The following ITGA7 variants were observed in gnomAD, a reference collection of about 807,000 sequenced individuals.
ITGA7 encodes integrin alpha-7.
ITGA7 carries 84 observed loss-of-function variants against 131.6 expected under a neutral mutation model. The observed-to-expected ratio is 0.64, with a 90% CI of 0.54 to 0.77. ITGA7 has a LOEUF of 0.77. Ranked by LOEUF, ITGA7 falls within the 30% of genes least tolerant of loss-of-function variation. The pLI is 0.00. For missense variants in ITGA7, 1,399 were observed against 1,482.9 expected, an observed-to-expected ratio of 0.94 and a Z score of 0.93; for synonymous variants, 548 against 600.7, an observed-to-expected ratio of 0.91 and a Z score of 1.28.
At chr12:55,712,875 G>C (rs1876235627), upstream of ITGA7, among the ~76,000 whole-genome samples, 1 of 152,174 alleles carries the variant, frequency 6.6e-6, no homozygotes. Context: ...GGAGAGAAGG[G>C]AGAGGCTAAT....
At position 55,684,706 on chromosome 12, in the gene ITGA7, C is replaced by CATTAAAAAA; in HGVS notation, c.*351_*352insTTTTTTAAT. ...GTGACACAACCTCCTCCCCGACCCTCTAGGTTAAGGCACTTCCGGGGAGGC... is the reference window on the plus strand; with the variant it reads ...GTGACACAACCTCCTCCCCGACCCTCATTAAAAAATAGGTTAAGGCACTTCCGGGGAGGC... On this transcript the variant is annotated 3_prime_UTR_variant, in exon 25 of 25. Coordinates refer to ENST00000257879, the MANE Select transcript of ITGA7 (RefSeq NM_002206.3). 3.5e-6 allele frequency: 1 copy of CATTAAAAAA among 284,106 alleles called. No individual in the cohort carries two copies. Among genetic ancestry groups the CATTAAAAAA allele is most frequent in the Admixed American group, 4.7e-5 (1 of 21,366 alleles). The allele number at this position is 284,106 out of a possible 1,614,324, so 17.6% of individuals were successfully genotyped here.
At position 55,688,190 on chromosome 12, in the gene ITGA7, C is replaced by T. The variant is rs767729751; in HGVS notation, c.3057+12G>A. ...GAGTCCTCCCCACCTATCCCCCAAC[C>T]CTGCAGCTCACCACTGTGGAGGCAT... On this transcript the variant is annotated intron_variant, in intron 23 of 24. Transcript: ENST00000257879. 6 of 1,613,800 alleles carry T rather than the reference C, an allele frequency of 3.7e-6. No individual in the cohort carries two copies. Among genetic ancestry groups the T allele is most frequent in the South Asian group, 1.1e-5 (1 of 91,086 alleles).
At chr12:55,695,423 G>A (rs1872423980) in intron 14 of ITGA7, 99 bp downstream of exon 14, 2 of 876,164 alleles carry the variant, frequency 2.3e-6, no homozygotes, top group African/African-American at 1.6e-5. Context: ...CTTTTCTGCA[G>A]GCTCAGCCCT....
chr12:55,688,215 T>C lies in ITGA7; in HGVS notation c.3044A>G (p.Asp1015Gly). The change falls in exon 23 of 25, where the codon GAT (aspartate) becomes GGT (glycine). Residue 1015 changes from aspartate to glycine, a missense_variant. Asp to Gly is a moderately conservative substitution (Grantham distance 94). Transcript: ENST00000257879. Reference sequence around the variant, plus strand: ...CCTGCAGCTCACCACTGTGGAGGCATCTCGGAGCATCAAGTTCTTTATGGA... The same window carrying C: ...CCTGCAGCTCACCACTGTGGAGGCACCTCGGAGCATCAAGTTCTTTATGGA... ...KSSIKNLMLR[D>G]ASTVIPVMVY... The C allele has an allele frequency of 6.2e-7, 1 of 1,614,070 alleles. No homozygotes were observed. Among genetic ancestry groups the C allele is most frequent in the Non-Finnish European group, 8.5e-7 (1 of 1,179,940 alleles).
intron 3 of ITGA7, 22 bp downstream of exon 3, chr12:55,702,850 A>G: frequency 6.3e-7 from 1 of 1,599,078 alleles, no homozygotes; most frequent in African/African-American, 1.3e-5. Context: ...CCGTGCATTC[A>G]GTCATGAGAA....
intron 21 of ITGA7, among the ~76,000 whole-genome samples, chr12:55,691,840 T>G (rs1220676107): frequency 6.6e-6 from 1 of 152,080 alleles, no homozygotes. Flanking sequence ...GCTGCTGACA[T>G]TCCCCTGCAA....
intron 4 of ITGA7, chr12:55,700,197 G>A: frequency 6.5e-7 from 1 of 1,538,890 alleles, no homozygotes; most frequent in Non-Finnish European, 8.8e-7. Flanking sequence ...TGGGAGCATG[G>A]AGAGAGAGGA....
chr12:55,697,213 C>T lies in ITGA7; in HGVS notation c.1567+3G>A, dbSNP rs1488666622. ...CGAGCCACAGAGGGGGGACCGCACT[C>T]ACCCACAGTAGGGCTATAGCTGCTG... On this transcript the variant is annotated splice_donor_region_variant and intron_variant, in intron 11 of 24. Transcript: ENST00000257879. The T allele has an allele frequency of 6.3e-7, 1 of 1,595,916 alleles. No homozygotes were observed. Among genetic ancestry groups the T allele is most frequent in the Admixed American group, 1.8e-5 (1 of 56,300 alleles).
In ITGA7 at chr12:55,695,632, G is replaced by A. The variant is rs1872474398; in HGVS notation, c.1893C>T (p.His631=). ...HQPSTQRAEI[H]FLKQGCGEDK... is the part of the protein sequence containing the mutation. ...CTTCACCACAGCCTTGCTTCAGGAAGTGGATCTGGGGAGAGACATGAGATA... is the reference window on the plus strand; with the variant it reads ...CTTCACCACAGCCTTGCTTCAGGAAATGGATCTGGGGAGAGACATGAGATA... Residue 631 remains histidine (H), a synonymous_variant, in exon 14 of 25, where the codon CAC becomes CAT. Coordinates refer to ENST00000257879, the MANE Select transcript of ITGA7 (RefSeq NM_002206.3). 6.2e-7 allele frequency: 1 copy of A among 1,612,582 alleles called. No homozygotes were observed. The highest frequency in any genetic ancestry group is 1.1e-5 in the South Asian group (1 of 91,058).
intron 3 of ITGA7, 128 bp from the exon 4 acceptor site, chr12:55,701,282 C>A: frequency 6.4e-7 from 1 of 1,551,526 alleles, no homozygotes; most frequent in South Asian, 1.1e-5. Context: ...CACATGCACA[C>A]ATACACACAC....
chr12:55,715,997 C>A, upstream of ITGA7: 2 of 1,493,576 alleles, frequency 1.3e-6, no homozygotes, highest in Non-Finnish European at 1.8e-6. Flanking sequence ...AAGATCTTCA[C>A]CCAAGGTCTC....
chr12:55,701,234 T>C (rs1873943379), intron 3 of ITGA7, 80 bp from the exon 4 acceptor site: 1 of 1,607,474 alleles, frequency 6.2e-7, no homozygotes, highest in South Asian at 1.1e-5. Flanking sequence ...ATGCAGAGAT[T>C]TGGCAGATAC....
chr12:55,703,987 A>G (rs1360441899), intron 1 of ITGA7, among the ~76,000 whole-genome samples: 5 of 152,020 alleles, frequency 3.3e-5, no homozygotes, highest in Non-Finnish European at 7.4e-5. Flanking sequence ...ACAATTTTCC[A>G]TGATCACAGC....
At chr12:55,688,792 AG>A (rs1870817462) in intron 22 of ITGA7, 51 bp downstream of exon 22, 2 of 1,342,116 alleles carry the variant, frequency 1.5e-6, no homozygotes, top group Non-Finnish European at 2.1e-6. Flanking sequence ...TGAGTCCTGG[AG>A]GGGCTTTGGA....
chr12:55,715,674 G>A (rs1370758005), upstream of ITGA7, among the ~76,000 whole-genome samples: 1 of 152,150 alleles, frequency 6.6e-6, no homozygotes, highest in Non-Finnish European at 1.5e-5. Flanking sequence ...AGGGTTGGGA[G>A]AGACAGGAAA....
At position 55,697,553 on chromosome 12, in the gene ITGA7, T is replaced by C. The variant is rs760699968; in HGVS notation, c.1410-7A>G. 2.4e-5 allele frequency: 38 copies of C among 1,612,998 alleles called. No homozygotes were observed. Among genetic ancestry groups the C allele is most frequent in the Admixed American group, 1.3e-4 (8 of 59,986 alleles). Reference sequence around the variant, plus strand: ...ATGGAGGATGGGTCTGGCCCTGGGATTGGGGAGTCAAGAGCACAAGAAACA... The same window carrying C: ...ATGGAGGATGGGTCTGGCCCTGGGACTGGGGAGTCAAGAGCACAAGAAACA... On this transcript the variant is annotated splice_polypyrimidine_tract_variant and splice_region_variant and intron_variant, in intron 9 of 24. Coordinates refer to ENST00000257879, the MANE Select transcript of ITGA7 (RefSeq NM_002206.3).
upstream of ITGA7, among the ~76,000 whole-genome samples, chr12:55,714,469 G>A (rs1299232729): frequency 2.0e-5 from 3 of 149,832 alleles, no homozygotes; most frequent in African/African-American, 7.5e-5. Context: ...AGTGAGCCGA[G>A]ATCCCGCCAC....
chr12:55,686,682 G>A (rs865775031), intron 24 of ITGA7, among the ~76,000 whole-genome samples: 2 of 152,216 alleles, frequency 1.3e-5, no homozygotes, highest in Admixed American at 6.5e-5. Flanking sequence ...ATGTGATTCC[G>A]TGTACTGACG....
chr12:55,695,068 G>A, intron 14 of ITGA7, 98 bp from the exon 15 acceptor site: 1 of 1,237,248 alleles, frequency 8.1e-7, no homozygotes, highest in South Asian at 1.3e-5. Flanking sequence ...CACTCCCTGA[G>A]CCTCTCTTCC....
Sources: gnomAD v4.1 joint callset for allele counts (sites outside exome capture counted in the v4.1 genomes callset) on GRCh38, gnomAD v4.1.1 for gene constraint, MANE v1.5 for transcripts, NCBI Gene and HGNC (gene_info 2026-07-23, HGNC 2026-07-21) for gene names.